FGF12: variants seen among roughly 807,000 people sequenced by gnomAD.
FGF12 encodes fibroblast growth factor 12B.
A neutral mutation model predicts 23.6 loss-of-function variants in FGF12; 14 were observed. That is an observed-to-expected ratio of 0.59 (90% CI 0.39 to 0.93). The LOEUF is 0.93. FGF12 is among the 40% of genes least tolerant of loss of function. The pLI is 0.00. For synonymous variants in FGF12, 62 were observed against 77.3 expected, an observed-to-expected ratio of 0.80 and a Z score of 1.04; for missense variants, 175 against 217.8, an observed-to-expected ratio of 0.80 and a Z score of 1.24.
chr3:192,489,297 C>A (rs987610843), intron 2 of FGF12, among the ~76,000 whole-genome samples: 6 of 151,932 alleles, frequency 3.9e-5, no homozygotes, highest in Non-Finnish European at 7.4e-5. Flanking sequence ...TTTCCCTATA[C>A]AAATTTCCAT....
chr3:192,269,830 GAC>G (rs1713314670), intron 4 of FGF12, among the ~76,000 whole-genome samples: 2 of 151,988 alleles, frequency 1.3e-5, no homozygotes, highest in Admixed American at 1.3e-4. Flanking sequence ...AATATCTTCA[GAC>G]ATACAGCTCT....
At chr3:192,156,053 A>T (rs1275232809) in intron 5 of FGF12, among the ~76,000 whole-genome samples, 1 of 152,144 alleles carries the variant, frequency 6.6e-6, no homozygotes, top group African/African-American at 2.4e-5. Context: ...GAGGTGCTAG[A>T]ATTTTTTTTA....
intron 4 of FGF12, among the ~76,000 whole-genome samples, chr3:192,217,293 T>C (rs1190670635): frequency 6.6e-6 from 1 of 152,354 alleles, no homozygotes; most frequent in East Asian, 1.9e-4. Flanking sequence ...GAGCGTCTGC[T>C]GTTGTTTTTG....
chr3:192,641,764 T>C (rs1241953537), intron 2 of FGF12, among the ~76,000 whole-genome samples: 1 of 152,214 alleles, frequency 6.6e-6, no homozygotes, highest in Non-Finnish European at 1.5e-5. Flanking sequence ...GAAAATTATA[T>C]AAAATTCAAA....
intron 2 of FGF12, among the ~76,000 whole-genome samples, chr3:192,381,242 A>G (rs781058959): frequency 6.6e-5 from 10 of 152,214 alleles, no homozygotes; most frequent in Non-Finnish European, 1.0e-4. Context: ...CAAAGCAACA[A>G]TGATCTTGAA....
chr3:192,572,731 G>C (rs781761892), intron 2 of FGF12, among the ~76,000 whole-genome samples: 2 of 152,100 alleles, frequency 1.3e-5, no homozygotes, highest in Non-Finnish European at 2.9e-5. Flanking sequence ...TTTAATCAGA[G>C]CTATAAAGCA....
chr3:192,181,788 A>G (rs113819890), intron 4 of FGF12, among the ~76,000 whole-genome samples: 157 of 151,556 alleles, frequency 1.0e-3, no homozygotes, highest in African/African-American at 3.6e-3. Flanking sequence ...GCACCACCAC[A>G]CCCTGCCAAT....
At chr3:192,563,208 T>A (rs1367530082) in intron 2 of FGF12, among the ~76,000 whole-genome samples, 1 of 152,214 alleles carries the variant, frequency 6.6e-6, no homozygotes, top group Non-Finnish European at 1.5e-5. Flanking sequence ...CCAAGATTAA[T>A]GGAATATTAT....
At chr3:192,712,553 A>G (rs549654238) in intron 2 of FGF12, among the ~76,000 whole-genome samples, 1 of 152,256 alleles carries the variant, frequency 6.6e-6, no homozygotes, top group East Asian at 1.9e-4. Flanking sequence ...TGTTAGAATG[A>G]TATCAGACCA....
intron 2 of FGF12, among the ~76,000 whole-genome samples, chr3:192,406,730 C>T (rs929153072): frequency 2.6e-5 from 4 of 152,012 alleles, no homozygotes; most frequent in African/African-American, 9.7e-5. Context: ...TCATGAAAAC[C>T]CAACGGAAAA....
At chr3:192,658,069 AC>A (rs1048914429) in intron 2 of FGF12, among the ~76,000 whole-genome samples, 4 of 152,150 alleles carry the variant, frequency 2.6e-5, no homozygotes, top group Non-Finnish European at 4.4e-5. Flanking sequence ...CAGTACACTG[AC>A]AGAGACGCTG....
rs1047980458 is a variant in FGF12 at position 192,616,313 on chromosome 3, C to T, written c.13+110868G>A. On this transcript the variant is annotated intron_variant, in intron 2 of 5. Transcript: ENST00000445105. ...AACGTAGTATGTCTCTAAAGTCTTA[C>T]GATCTACAATCTGAGAAATGGAATA... 2.6e-5 allele frequency among the ~76,000 whole-genome samples: 4 copies of T among 151,940 alleles called. 1 individual carries two copies. Among genetic ancestry groups the T allele is most frequent in the Non-Finnish European group, 5.9e-5 (4 of 67,928 alleles).
At chr3:192,210,738 G>A (rs549452888) in intron 4 of FGF12, among the ~76,000 whole-genome samples, 289 of 152,314 alleles carry the variant, frequency 1.9e-3, no homozygotes, top group Middle Eastern at 3.4e-3. Flanking sequence ...TCTAACGAGA[G>A]TAGAAGAGAG....
chr3:192,405,498 G>A (rs918376605), intron 2 of FGF12, among the ~76,000 whole-genome samples: 13 of 151,304 alleles, frequency 8.6e-5, no homozygotes, highest in Admixed American at 6.6e-5. Context: ...GAAATTCAGA[G>A]TGGAAATTCT....
chr3:192,638,970 G>A (rs982754653), intron 2 of FGF12, among the ~76,000 whole-genome samples: 6 of 152,134 alleles, frequency 3.9e-5, no homozygotes, highest in African/African-American at 1.4e-4. Context: ...TGCATTTAAT[G>A]CTTTTGCACT....
In FGF12 at chr3:192,396,321, T is replaced by C. The variant is rs558846707; in HGVS notation, c.14-35783A>G. On this transcript the variant is annotated intron_variant, in intron 2 of 5. Transcript: ENST00000445105. The stretch of plus-strand genomic sequence containing the variant: ...CTATATTCCATTCCCAAGCACATGA[T>C]ATACAAATACTCAATGGGTGTCTAG... Among the ~76,000 whole-genome samples the C allele has an allele frequency of 2.6e-5, 4 of 152,338 alleles. No individual in the cohort carries two copies. In the South Asian group the frequency reaches 8.3e-4, roughly 32 times the overall value.
chr3:192,573,593 A>G (rs113391301), intron 2 of FGF12, among the ~76,000 whole-genome samples: 1 of 152,194 alleles, frequency 6.6e-6, no homozygotes, highest in African/African-American at 2.4e-5. Context: ...CTGGCTCTGC[A>G]GACAGTGGAC....
chr3:192,203,318 T>C (rs931109243), intron 4 of FGF12, among the ~76,000 whole-genome samples: 2 of 152,196 alleles, frequency 1.3e-5, no homozygotes, highest in African/African-American at 4.8e-5. Flanking sequence ...CTAAACAAGA[T>C]ATTCTCTAGT....
chr3:192,526,374 G>A (rs562095576), intron 2 of FGF12, among the ~76,000 whole-genome samples: 68 of 152,234 alleles, frequency 4.5e-4, no homozygotes, highest in East Asian at 1.5e-3. Flanking sequence ...CAACTGTAAC[G>A]GCTGCAAAAG....
Sources: gnomAD v4.1 joint callset for allele counts (sites outside exome capture counted in the v4.1 genomes callset) on GRCh38, gnomAD v4.1.1 for gene constraint, MANE v1.5 for transcripts, NCBI Gene and HGNC (gene_info 2026-07-23, HGNC 2026-07-21) for gene names.